Variants in SLC25A21 observed in about 807,000 individuals in gnomAD.
SLC25A21 encodes the protein solute carrier family 25 member 21.
Under a neutral mutation model 43.8 loss-of-function variants are expected in SLC25A21, and 47 were observed. That is an observed-to-expected ratio of 1.07 (90% CI 0.85 to 1.37). The LOEUF (loss-of-function observed/expected upper bound fraction) is 1.37. Ranked by LOEUF, SLC25A21 falls within the 40% of genes most tolerant of loss-of-function variation. The pLI, the probability that SLC25A21 is intolerant of heterozygous loss-of-function variation, is 0.00. For synonymous variants in SLC25A21, 131 were observed against 121.3 expected, an observed-to-expected ratio of 1.08 and a Z score of -0.52; for missense variants, 352 against 350.2, an observed-to-expected ratio of 1.00 and a Z score of -0.04.
At chr14:36,885,141 A>G (rs1319090959) in intron 1 of SLC25A21, among the ~76,000 whole-genome samples, 1 of 152,204 alleles carries the variant, frequency 6.6e-6, no homozygotes, top group African/African-American at 2.4e-5. Flanking sequence ...ATTTTTGTAC[A>G]TGATGTGAGA....
intron 2 of SLC25A21, among the ~76,000 whole-genome samples, chr14:36,831,881 A>G (rs993289572): frequency 1.3e-5 from 2 of 152,232 alleles, no homozygotes; most frequent in African/African-American, 2.4e-5. Flanking sequence ...GAACATGGAA[A>G]AGACTCTAAA....
intron 1 of SLC25A21, among the ~76,000 whole-genome samples, chr14:37,165,550 T>C (rs952789122): frequency 1.3e-5 from 2 of 151,988 alleles, no homozygotes; most frequent in Admixed American, 6.6e-5. Context: ...CTTTGGGGAA[T>C]ATGAGTAAAA....
At chr14:36,796,984 C>T (rs1887697870) in intron 3 of SLC25A21, among the ~76,000 whole-genome samples, 1 of 152,064 alleles carries the variant, frequency 6.6e-6, no homozygotes, top group African/African-American at 2.4e-5. Flanking sequence ...ATCTATTTTA[C>T]TCAGTGGACA....
At chr14:37,171,294 T>C (rs900121261) in intron 1 of SLC25A21, among the ~76,000 whole-genome samples, 1 of 152,168 alleles carries the variant, frequency 6.6e-6, no homozygotes, top group African/African-American at 2.4e-5. Context: ...GATCATGACA[T>C]AATGATAACC....
chr14:36,680,496 C>T lies in SLC25A21; in HGVS notation c.*162G>A, dbSNP rs946647882. The T allele has an allele frequency of 2.4e-5, 30 of 1,257,096 alleles. No individual in the cohort carries two copies. The Middle Eastern group carries it at 8.6e-4, about 36-fold the overall frequency. 77.9% of individuals were successfully genotyped at this position (1,257,096 alleles called of 1,614,324 possible). On this transcript the variant is annotated 3_prime_UTR_variant, in exon 10 of 10. Transcript: ENST00000331299. ...ATTTATACAGCCAAAACTATAATCT[C>T]AAGTTGCCTATAGACATTTTTTAAA... is the stretch of plus-strand genomic sequence containing the variant.
At chr14:36,777,316 T>A (rs969379799) in intron 3 of SLC25A21, among the ~76,000 whole-genome samples, 18 of 151,986 alleles carry the variant, frequency 1.2e-4, no homozygotes, top group Non-Finnish European at 2.1e-4. Flanking sequence ...GTCCATCACA[T>A]CTTAAATAAA....
intron 1 of SLC25A21, among the ~76,000 whole-genome samples, chr14:37,050,780 A>G (rs1433019561): frequency 6.6e-6 from 1 of 152,222 alleles, no homozygotes; most frequent in Non-Finnish European, 1.5e-5. Context: ...GTTCTACAAA[A>G]TTATTAACTT....
In SLC25A21 at chr14:36,795,204, A is replaced by G. The variant is rs574448241; in HGVS notation, c.203+18714T>C. On this transcript the variant is annotated intron_variant, in intron 3 of 9. Transcript: ENST00000331299. ...ATCAAAATTAGAATATGATTTTAAA[A>G]TGCTACTGAAAGGTATACAGCATTA... Among the ~76,000 whole-genome samples, 12 of 152,332 alleles carry G rather than the reference A, an allele frequency of 7.9e-5. No individual in the cohort carries two copies. In the South Asian group the frequency reaches 2.5e-3, roughly 32 times the overall value.
chr14:37,058,032 T>C (rs1459725277), intron 1 of SLC25A21, among the ~76,000 whole-genome samples: 3 of 152,234 alleles, frequency 2.0e-5, no homozygotes, highest in African/African-American at 4.8e-5. Context: ...GTTCATGAGA[T>C]GTTATTGCCA....
chr14:36,861,872 T>G (rs1265134195), intron 2 of SLC25A21, among the ~76,000 whole-genome samples: 1 of 152,056 alleles, frequency 6.6e-6, no homozygotes, highest in African/African-American at 2.4e-5. Flanking sequence ...AGATTATCCA[T>G]CTGAAAAAGA....
intron 3 of SLC25A21, among the ~76,000 whole-genome samples, chr14:36,750,430 T>A (rs1885663293): frequency 6.6e-6 from 1 of 152,196 alleles, no homozygotes; most frequent in African/African-American, 2.4e-5. Context: ...ATCCTAATGT[T>A]CACACCTTTG....
intron 1 of SLC25A21, among the ~76,000 whole-genome samples, chr14:37,026,397 C>T (rs953233920): frequency 2.0e-5 from 3 of 152,068 alleles, no homozygotes; most frequent in Non-Finnish European, 4.4e-5. Context: ...TTCTTACTGG[C>T]AACAAAATCT....
chr14:36,786,128 T>G (rs1228608919), intron 3 of SLC25A21, among the ~76,000 whole-genome samples: 1 of 152,176 alleles, frequency 6.6e-6, no homozygotes, highest in Non-Finnish European at 1.5e-5. Flanking sequence ...ATTTATTTAT[T>G]AGCTATGGGA....
In SLC25A21 at chr14:36,880,990, A is replaced by G. The variant is rs1365948656; in HGVS notation, c.71-5986T>C. Among the ~76,000 whole-genome samples, 4 of 152,200 alleles carry G rather than the reference A, an allele frequency of 2.6e-5. No homozygotes were observed. The East Asian group carries it at 5.8e-4, about 22-fold the overall frequency. On this transcript the variant is annotated intron_variant, in intron 1 of 9. Coordinates refer to ENST00000331299, the MANE Select transcript of SLC25A21 (RefSeq NM_030631.4). Reference sequence around the variant, plus strand: ...TCAAAGCTCAGCACAGAAGGGACACATTGAGAAAGGCTTTACATGTAAAGG... The same window carrying G: ...TCAAAGCTCAGCACAGAAGGGACACGTTGAGAAAGGCTTTACATGTAAAGG...
At chr14:36,705,392 A>T (rs1883492363) in intron 7 of SLC25A21, among the ~76,000 whole-genome samples, 1 of 152,116 alleles carries the variant, frequency 6.6e-6, no homozygotes, top group South Asian at 2.1e-4. Flanking sequence ...ATAGCCTTAG[A>T]ATTAAGTAAA....
rs540328597 is a variant in SLC25A21 at position 36,797,705 on chromosome 14, T to C, written c.203+16213A>G. Among the ~76,000 whole-genome samples the C allele has an allele frequency of 3.9e-5, 6 of 152,218 alleles. No homozygotes were observed. The South Asian group carries it at 1.0e-3, about 26-fold the overall frequency. The stretch of plus-strand genomic sequence containing the variant: ...CGGTAGCAGAGTGGAAGGGAGTGAG[T>C]AGTGGGACAAATTAAGGGAAGAGCA... On this transcript the variant is annotated intron_variant, in intron 3 of 9. Transcript: ENST00000331299.
intron 1 of SLC25A21, among the ~76,000 whole-genome samples, chr14:36,979,323 GTT>G (rs145296225): frequency 8.1e-6 from 1 of 123,756 alleles, no homozygotes; most frequent in East Asian, 2.0e-4. Flanking sequence ...TTAAGGTAGT[GTT>G]TTTTTGGTTT....
At position 36,838,256 on chromosome 14, in the gene SLC25A21, G is replaced by T. The variant is rs1198942886; in HGVS notation, c.120-24255C>A. ...TGGAGTTCAGCTAGAGAACAGAGGG[G>T]TCACATGTCTGTACATATTTTCTGC... On this transcript the variant is annotated intron_variant, in intron 2 of 9. Coordinates refer to ENST00000331299, the MANE Select transcript of SLC25A21 (RefSeq NM_030631.4). 2.0e-5 allele frequency among the ~76,000 whole-genome samples: 3 copies of T among 152,196 alleles called. No homozygotes were observed. The South Asian group carries it at 6.2e-4, about 31-fold the overall frequency.
At chr14:36,847,937 C>T (rs1447924119) in intron 2 of SLC25A21, among the ~76,000 whole-genome samples, 2 of 152,040 alleles carry the variant, frequency 1.3e-5, no homozygotes, top group Admixed American at 1.3e-4. Context: ...TGAATATAGA[C>T]CAACAGTGGA....
Sources: gnomAD v4.1 joint callset for allele counts (sites outside exome capture counted in the v4.1 genomes callset) on GRCh38, gnomAD v4.1.1 for gene constraint, MANE v1.5 for transcripts, NCBI Gene and HGNC (gene_info 2026-07-23, HGNC 2026-07-21) for gene names.